PRH1: variants seen among roughly 807,000 people sequenced by gnomAD.
PRH1 encodes proline rich protein HaeIII subfamily 1.
PRH1 carries 7 observed loss-of-function variants against 7.9 expected under a neutral mutation model. The observed-to-expected ratio is 0.89, with a 90% CI of 0.50 to 1.67. PRH1 has a LOEUF of 1.67. PRH1 is among the 40% of genes most tolerant of loss of function. The pLI is 0.00. For synonymous variants in PRH1, 45 were observed against 80.8 expected, an observed-to-expected ratio of 0.56 and a Z score of 2.38; for missense variants, 109 against 223.6, an observed-to-expected ratio of 0.49 and a Z score of 3.27.
intron 1 of PRH1, among the ~76,000 whole-genome samples, chr12:10,989,974 T>A (rs529879849): frequency 6.6e-6 from 1 of 152,218 alleles, no homozygotes; most frequent in East Asian, 1.9e-4. Context: ...CATCTAAATT[T>A]TAATGGCTTC....
At chr12:10,940,371 T>A (rs1180523466) in intron 2 of PRH1, among the ~76,000 whole-genome samples, 1 of 152,242 alleles carries the variant, frequency 6.6e-6, no homozygotes, top group Non-Finnish European at 1.5e-5. Flanking sequence ...TTAAAAAGAC[T>A]TGCAAGTTTA....
At chr12:11,139,095 T>C (rs912512828) in intron 1 of PRH1, among the ~76,000 whole-genome samples, 25 of 152,196 alleles carry the variant, frequency 1.6e-4, no homozygotes, top group African/African-American at 5.8e-4. Context: ...TAATGCTCTA[T>C]TCTCCTTTAT....
At chr12:11,147,071 C>A (rs1392786348) in intron 1 of PRH1, among the ~76,000 whole-genome samples, 1 of 152,192 alleles carries the variant, frequency 6.6e-6, no homozygotes, top group East Asian at 1.9e-4. Flanking sequence ...TTTTTCAAGT[C>A]ATTTTTCACA....
At chr12:11,108,745 T>C (rs1945503273) in intron 1 of PRH1, among the ~76,000 whole-genome samples, 1 of 152,134 alleles carries the variant, frequency 6.6e-6, no homozygotes, top group South Asian at 2.1e-4. Context: ...GAGCGATCAT[T>C]TGGGCAGACA....
At chr12:10,992,916 C>T (rs374226042) in intron 1 of PRH1, among the ~76,000 whole-genome samples, 2 of 152,184 alleles carry the variant, frequency 1.3e-5, no homozygotes, top group African/African-American at 4.8e-5. Context: ...AAAGAGTCCT[C>T]GGTAATTCTC....
At chr12:10,918,639 CT>C (rs1950005720) in intron 2 of PRH1, among the ~76,000 whole-genome samples, 1 of 152,188 alleles carries the variant, frequency 6.6e-6, no homozygotes, top group Non-Finnish European at 1.5e-5. Flanking sequence ...TAAGCTCTCA[CT>C]AGCATTAAAC....
At chr12:11,128,051 C>T (rs575138076) in intron 1 of PRH1, among the ~76,000 whole-genome samples, 2 of 146,448 alleles carry the variant, frequency 1.4e-5, no homozygotes, top group South Asian at 4.2e-4. Flanking sequence ...GCGGAGCTTG[C>T]AGTGAGCCGA....
chr12:10,944,535 T>G (rs1166131768), intron 2 of PRH1, among the ~76,000 whole-genome samples: 1 of 152,178 alleles, frequency 6.6e-6, no homozygotes, highest in Non-Finnish European at 1.5e-5. Context: ...CTATGGTTTT[T>G]TGGGCGTCCT....
intron 1 of PRH1, among the ~76,000 whole-genome samples, chr12:10,995,256 T>C (rs11054141): frequency 0.3 from 46,336 of 152,112 alleles, 8,920 homozygotes; most frequent in East Asian, 0.74. Flanking sequence ...TCTTTATGTC[T>C]TGGGAGTCTA....
intron 1 of PRH1, among the ~76,000 whole-genome samples, chr12:11,169,702 A>G (rs758136034): frequency 4.2e-4 from 64 of 152,288 alleles, no homozygotes; most frequent in Admixed American, 5.9e-4. Flanking sequence ...AGTAAATTAT[A>G]TGTGTGAACT....
At chr12:11,155,052 T>C (rs985739390) in intron 1 of PRH1, among the ~76,000 whole-genome samples, 4 of 152,242 alleles carry the variant, frequency 2.6e-5, no homozygotes, top group Non-Finnish European at 4.4e-5. Flanking sequence ...AAATCCTTCA[T>C]ACATGTGGGC....
intron 1 of PRH1, among the ~76,000 whole-genome samples, chr12:11,160,255 A>G (rs2136451975): frequency 6.6e-6 from 1 of 152,328 alleles, no homozygotes; most frequent in African/African-American, 2.4e-5. Flanking sequence ...ATTTATAGAA[A>G]TAAGTCCCTA....
chr12:11,057,968 C>A (rs78028591), intron 1 of PRH1, among the ~76,000 whole-genome samples: 288 of 124,200 alleles, frequency 2.3e-3, no homozygotes, highest in South Asian at 6.9e-3. Flanking sequence ...AATATTACAG[C>A]CCGGGCCCTG....
At chr12:11,108,882 C>T (rs1480751325) in intron 1 of PRH1, among the ~76,000 whole-genome samples, 1 of 152,156 alleles carries the variant, frequency 6.6e-6, no homozygotes, top group East Asian at 1.9e-4. Flanking sequence ...TCAGTGGATC[C>T]CACCTCCTTG....
chr12:11,168,277 AAAG>A (rs1565725568), intron 1 of PRH1, among the ~76,000 whole-genome samples: 504 of 47,536 alleles, frequency 0.011, 97 homozygotes, highest in Admixed American at 0.022. Context: ...AGAAAGAAAG[AAAG>A]AAAGAAAGAA....
intron 1 of PRH1, among the ~76,000 whole-genome samples, chr12:11,068,899 T>C (rs1356479592): frequency 1.7e-5 from 2 of 120,386 alleles, no homozygotes; most frequent in Non-Finnish European, 4.0e-5. Flanking sequence ...AGATTTTTGG[T>C]ATTATTACTT....
chr12:11,120,504 T>C (rs937909948), downstream of PRH1, among the ~76,000 whole-genome samples: 1 of 152,170 alleles, frequency 6.6e-6, no homozygotes, highest in African/African-American at 2.4e-5. Flanking sequence ...TACAGCTTTT[T>C]TACTGACGTT....
At chr12:11,139,332 C>T (rs1332324365) in intron 1 of PRH1, among the ~76,000 whole-genome samples, 6 of 152,120 alleles carry the variant, frequency 3.9e-5, no homozygotes, top group African/African-American at 1.4e-4. Context: ...TCCAGATACT[C>T]CCAATATACG....
chr12:11,020,364 A>ATATATC (rs1941548125), intron 1 of PRH1, among the ~76,000 whole-genome samples: 4 of 132,996 alleles, frequency 3.0e-5, no homozygotes, highest in Admixed American at 1.5e-4. Context: ...ATGATAAGCG[A>ATATATC]TATATATATA....
Sources: allele counts gnomAD v4.1 joint callset (sites outside exome capture counted in the v4.1 genomes callset), GRCh38; gene constraint gnomAD v4.1.1; transcripts MANE v1.5; gene names NCBI Gene and HGNC (gene_info 2026-07-23, HGNC 2026-07-21).